The following NRG1 variants were observed in gnomAD, a reference collection of about 807,000 sequenced individuals.
NRG1 encodes the protein pro-neuregulin-1, membrane-bound isoform.
NRG1 carries 18 observed loss-of-function variants against 63.8 expected under a neutral mutation model. That is an observed-to-expected ratio of 0.28 (90% CI 0.19 to 0.42). NRG1 has a LOEUF of 0.42. Ranked by LOEUF, NRG1 falls within the 10% of genes least tolerant of loss-of-function variation. The probability of loss-of-function intolerance (pLI) is 1.00; values close to 1 mark genes in which losing one functional copy is unlikely to be tolerated. For synonymous variants in NRG1, 302 were observed against 301.3 expected, an observed-to-expected ratio of 1.00 and a Z score of -0.02; for missense variants, 762 against 814.7, an observed-to-expected ratio of 0.94 and a Z score of 0.79.
intron 5 of NRG1, among the ~76,000 whole-genome samples, chr8:32,676,371 T>C (rs1021153107): frequency 2.0e-5 from 3 of 152,192 alleles, no homozygotes; most frequent in African/African-American, 7.2e-5. Flanking sequence ...CATTTTGCTG[T>C]CTGGCTGCCA....
intron 1 of NRG1, among the ~76,000 whole-genome samples, chr8:32,540,199 G>C (rs1588172494): frequency 6.6e-6 from 1 of 151,956 alleles, no homozygotes; most frequent in African/African-American, 2.4e-5. Flanking sequence ...AGGAAGGAGA[G>C]TATGGATTAG....
chr8:32,696,901 A>G (rs546834065), intron 5 of NRG1, among the ~76,000 whole-genome samples: 4 of 152,232 alleles, frequency 2.6e-5, no homozygotes, highest in African/African-American at 9.6e-5. Flanking sequence ...ACATCAGGTG[A>G]TCCACCCACC....
At chr8:31,742,303 A>G (rs184931658) in intron 1 of NRG1, among the ~76,000 whole-genome samples, 12 of 151,990 alleles carry the variant, frequency 7.9e-5, no homozygotes, top group African/African-American at 2.6e-4. Context: ...GTGTTGTTCC[A>G]TTTCTCAGTC....
At chr8:32,548,167 C>T (rs185234907), upstream of NRG1, 116 of 958,308 alleles carry the variant, frequency 1.2e-4, no homozygotes, top group Admixed American at 6.3e-3. Context: ...GGTGGCGTGT[C>T]CGCGCCTCGG....
chr8:32,234,849 A>G (rs1301395349), intron 1 of NRG1, among the ~76,000 whole-genome samples: 2 of 152,138 alleles, frequency 1.3e-5, no homozygotes, highest in African/African-American at 4.8e-5. Flanking sequence ...ATTCTCGCTC[A>G]TAGAAATCTT....
intron 5 of NRG1, among the ~76,000 whole-genome samples, chr8:32,697,702 A>G (rs79238579): frequency 0.01 from 1,525 of 152,358 alleles, 10 homozygotes; most frequent in Non-Finnish European, 0.017. Context: ...TTAGAGACCA[A>G]TAAAAAGACA....
intron 1 of NRG1, among the ~76,000 whole-genome samples, chr8:31,861,017 C>T (rs911951839): frequency 3.9e-5 from 6 of 152,320 alleles, no homozygotes; most frequent in African/African-American, 1.4e-4. Flanking sequence ...TGAATTTTCT[C>T]TGATAAACCT....
rs12334803 is a variant in NRG1, at chr8:32,681,970, T to C, written c.503-45979T>C. ...GAGTAATACATTCTTTAAGTACCTA[T>C]TCAGTGAGGACCTGCTATGTGCAAG... On this transcript the variant is annotated intron_variant, in intron 5 of 11. Transcript: ENST00000356819. Among the ~76,000 whole-genome samples the C allele has an allele frequency of 2.1e-4, 32 of 152,264 alleles. 1 individual carries two copies. The highest frequency in any genetic ancestry group is 7.2e-4 in the African/African-American group (30 of 41,580).
chr8:32,464,380 G>A lies in NRG1; in HGVS notation c.38-131448G>A, dbSNP rs1467261403. On this transcript the variant is annotated intron_variant, in intron 1 of 10. Transcript: ENST00000519301. ...AGTATCTCGCTCCTAGATCAGGACC[G>A]CATCCAGGTTGCAGAATCCCAATCC... 2.9e-5 allele frequency among the ~76,000 whole-genome samples: 4 copies of A among 137,372 alleles called. No individual in the cohort carries two copies. In the East Asian group the frequency reaches 7.2e-4, roughly 25 times the overall value. The allele number at this position is 137,372 out of a possible 152,430, so 90.1% of individuals were successfully genotyped here. A position where few individuals can be genotyped will look rare whatever the true frequency, so the allele number is the denominator to read the frequency against.
chr8:32,353,424 T>G (rs937798189), intron 1 of NRG1, among the ~76,000 whole-genome samples: 1 of 151,886 alleles, frequency 6.6e-6, no homozygotes, highest in Non-Finnish European at 1.5e-5. Context: ...ATAGTTGTAA[T>G]ATTTTGTAAC....
At chr8:32,630,478 G>A (rs1285653196) in intron 5 of NRG1, among the ~76,000 whole-genome samples, 1 of 152,054 alleles carries the variant, frequency 6.6e-6, no homozygotes, top group Non-Finnish European at 1.5e-5. Context: ...GTAGATAAAA[G>A]GTATATGCAT....
chr8:32,213,013 T>C (rs996179867), intron 1 of NRG1, among the ~76,000 whole-genome samples: 4 of 152,212 alleles, frequency 2.6e-5, no homozygotes, highest in Admixed American at 2.6e-4. Context: ...CCTAAACTCC[T>C]TTTTACCTTG....
chr8:31,856,864 A>T (rs1313449422), intron 1 of NRG1, among the ~76,000 whole-genome samples: 3 of 152,048 alleles, frequency 2.0e-5, no homozygotes, highest in Non-Finnish European at 2.9e-5. Context: ...CTGTTGGAGT[A>T]CCCGGCCGTG....
chr8:32,148,642 A>G (rs1377408168), intron 1 of NRG1, among the ~76,000 whole-genome samples: 1 of 152,230 alleles, frequency 6.6e-6, no homozygotes, highest in Non-Finnish European at 1.5e-5. Flanking sequence ...CCCAAGCCAA[A>G]TGACCTCTGT....
chr8:32,344,372 TTCTTTCTTTC>T lies in NRG1; in HGVS notation c.38-251444_38-251435del, dbSNP rs1804514548. On this transcript the variant is annotated intron_variant, in intron 1 of 10. Transcript: ENST00000519301. ...TTTCTTTCTTTCTTTCTTTCTTTCT[TTCTTTCTTTC>T]TCTTTCTTTCTTTTTTGTGCATGCA... Among the ~76,000 whole-genome samples, 3 of 58,676 alleles carry T rather than the reference TTCTTTCTTTC, an allele frequency of 5.1e-5. 1 individual carries two copies. Among genetic ancestry groups the T allele is most frequent in the South Asian group, 1.4e-3 (2 of 1,396 alleles). The allele number at this position is 58,676 out of a possible 152,430, so 38.5% of individuals were successfully genotyped here. A position where few individuals can be genotyped will look rare whatever the true frequency, so the allele number is the denominator to read the frequency against.
intron 1 of NRG1, among the ~76,000 whole-genome samples, chr8:32,194,421 G>T (rs1842777823): frequency 6.6e-6 from 1 of 152,000 alleles, no homozygotes; most frequent in Non-Finnish European, 1.5e-5. Flanking sequence ...AGCAAGAATG[G>T]CATGCCACAT....
chr8:32,527,376 C>CTGG (rs1189833781), intron 1 of NRG1, among the ~76,000 whole-genome samples: 3 of 152,096 alleles, frequency 2.0e-5, no homozygotes, highest in Non-Finnish European at 2.9e-5. Flanking sequence ...ATGGATGGAA[C>CTGG]TGGAGGCCAT....
intron 5 of NRG1, among the ~76,000 whole-genome samples, chr8:32,696,615 G>A (rs1409092194): frequency 1.3e-5 from 2 of 149,688 alleles, no homozygotes; most frequent in African/African-American, 2.5e-5. Context: ...GTAAAGCCTC[G>A]TGATTCTTTT....
chr8:32,158,447 T>TTATATATATATATATATATATATATATA (rs1563852043), intron 1 of NRG1, among the ~76,000 whole-genome samples: 23 of 30,250 alleles, frequency 7.6e-4, no homozygotes, highest in African/African-American at 2.3e-3. Context: ...TTGGTTTACA[T>TTATATATATATATATATATATATATATA]GATATATATA....
Sources: gnomAD v4.1 joint callset for allele counts (sites outside exome capture counted in the v4.1 genomes callset) on GRCh38, gnomAD v4.1.1 for gene constraint, MANE v1.5 for transcripts, NCBI Gene and HGNC (gene_info 2026-07-23, HGNC 2026-07-21) for gene names.